RERE: variants seen among roughly 807,000 people sequenced by gnomAD.
The protein encoded by RERE is arginine-glutamic acid dipeptide repeats, also known as arginine-glutamic acid dipeptide repeats protein.
In RERE, 40 loss-of-function variants were observed where a neutral mutation model predicts 146.1. The observed-to-expected ratio is 0.27, with a 90% CI of 0.21 to 0.36. RERE has a LOEUF of 0.36. RERE is among the 10% of genes least tolerant of loss of function. The pLI is 1.00. For missense variants in RERE, 1,933 were observed against 2,138.7 expected, an observed-to-expected ratio of 0.90 and a Z score of 1.90; for synonymous variants, 1,003 against 866.0, an observed-to-expected ratio of 1.16 and a Z score of -2.78.
At chr1:8,606,179 G>C (rs1448022738) in intron 4 of RERE, among the ~76,000 whole-genome samples, 1 of 152,066 alleles carries the variant, frequency 6.6e-6, no homozygotes, top group Non-Finnish European at 1.5e-5. Context: ...CAATTACCAT[G>C]TAATATGGTT....
At chr1:8,725,653 T>C (rs1639947569) in intron 1 of RERE, among the ~76,000 whole-genome samples, 1 of 152,214 alleles carries the variant, frequency 6.6e-6, no homozygotes, top group Admixed American at 6.5e-5. Flanking sequence ...ATCCCCACTT[T>C]CTGCCTTGTA....
chr1:8,676,137 A>AT (rs1172382985), intron 1 of RERE, among the ~76,000 whole-genome samples: 1 of 152,338 alleles, frequency 6.6e-6, no homozygotes, highest in South Asian at 2.1e-4. Context: ...TCCCAGTGTA[A>AT]TTCATCTCCA....
intron 12 of RERE, among the ~76,000 whole-genome samples, chr1:8,414,454 G>A (rs1296487645): frequency 1.3e-5 from 2 of 152,042 alleles, no homozygotes; most frequent in Non-Finnish European, 2.9e-5. Context: ...TACTTGGGAG[G>A]CTGAGGCAGG....
intron 12 of RERE, among the ~76,000 whole-genome samples, chr1:8,374,403 T>G (rs971525323): frequency 4.6e-5 from 7 of 152,224 alleles, no homozygotes; most frequent in African/African-American, 1.7e-4. Context: ...CCACTCCATT[T>G]GTACAGTGCA....
intron 4 of RERE, among the ~76,000 whole-genome samples, chr1:8,605,765 A>AC (rs1344515080): frequency 1.6e-4 from 21 of 127,790 alleles, no homozygotes; most frequent in Admixed American, 1.3e-3. Context: ...AAAAAAAAAA[A>AC]AAAAAACCCC....
rs1645452209 is a variant in RERE at position 8,518,671 on chromosome 1, ACTAGTGCAATATG to A, written c.831-10009_831-9997del. Among the ~76,000 whole-genome samples the A allele has an allele frequency of 2.0e-5, 3 of 152,328 alleles. No homozygotes were observed. In the Middle Eastern group the frequency reaches 0.01, roughly 522 times the overall value. ...GTGAAAGCGAGGATTAAGAAGGAAG[ACTAGTGCAATATG>A]CTGGGTTTCTCAATTTTCCCCAGCA... On this transcript the variant is annotated intron_variant, in intron 7 of 22. Transcript: ENST00000400908.
intron 1 of RERE, among the ~76,000 whole-genome samples, chr1:8,790,610 T>C (rs1322764811): frequency 6.6e-6 from 1 of 152,146 alleles, no homozygotes; most frequent in Non-Finnish European, 1.5e-5. Flanking sequence ...ACTTACAGAG[T>C]CTTGCTCTTG....
chr1:8,691,239 G>A (rs1188528076), intron 1 of RERE, among the ~76,000 whole-genome samples: 1 of 152,186 alleles, frequency 6.6e-6, no homozygotes, highest in East Asian at 1.9e-4. Flanking sequence ...AACTTGATGA[G>A]TTACAGGATT....
At chr1:8,428,502 A>G (rs1028671115) in intron 11 of RERE, 5 of 152,348 alleles carry the variant, frequency 3.3e-5, no homozygotes, top group Middle Eastern at 3.4e-3. Context: ...ATAGTTTTCC[A>G]CTATTGAGCT....
intron 12 of RERE, among the ~76,000 whole-genome samples, chr1:8,406,511 C>T (rs1487850407): frequency 6.6e-6 from 1 of 152,040 alleles, no homozygotes; most frequent in African/African-American, 2.4e-5. Context: ...CGCACACACA[C>T]AAAAGGAGGG....
At chr1:8,588,206 G>A (rs933984968) in intron 4 of RERE, among the ~76,000 whole-genome samples, 2 of 152,104 alleles carry the variant, frequency 1.3e-5, no homozygotes, top group Non-Finnish European at 2.9e-5. Context: ...ATAAATGCTG[G>A]CTGAATTTAA....
intron 4 of RERE, among the ~76,000 whole-genome samples, chr1:8,564,925 T>G (rs1402459918): frequency 6.6e-6 from 1 of 151,322 alleles, no homozygotes; most frequent in Non-Finnish European, 1.5e-5. Flanking sequence ...TCCTGTCATC[T>G]GCAACAACAT....
intron 10 of RERE, among the ~76,000 whole-genome samples, chr1:8,469,320 T>G (rs901938898): frequency 1.3e-5 from 2 of 152,062 alleles, no homozygotes; most frequent in African/African-American, 2.4e-5. Flanking sequence ...AGGAAAAAAT[T>G]TGAATTTCAA....
chr1:8,627,689 A>G (rs1409525459), intron 2 of RERE, among the ~76,000 whole-genome samples: 1 of 152,068 alleles, frequency 6.6e-6, no homozygotes, highest in Admixed American at 6.5e-5. Flanking sequence ...AGCTTTATTT[A>G]TATATACTTT....
intron 12 of RERE, among the ~76,000 whole-genome samples, chr1:8,394,683 C>T (rs948432697): frequency 2.6e-5 from 4 of 152,178 alleles, no homozygotes; most frequent in African/African-American, 7.2e-5. Context: ...ATCATAAGGT[C>T]TGAGTCCCAA....
chr1:8,729,217 A>ATTT (rs1173630956), intron 1 of RERE, among the ~76,000 whole-genome samples: 18 of 100,450 alleles, frequency 1.8e-4, no homozygotes, highest in Admixed American at 3.6e-4. Flanking sequence ...AGCTACACCG[A>ATTT]TTTTTTTTTT....
At position 8,793,195 on chromosome 1, in the gene RERE, A is replaced by AAAGC. The variant is rs1641401092; in HGVS notation, c.-145+23964_-145+23965insGCTT. 2.7e-5 allele frequency among the ~76,000 whole-genome samples: 4 copies of AAAGC among 150,040 alleles called. No homozygotes were observed. In the South Asian group the frequency reaches 8.5e-4, roughly 32 times the overall value. On this transcript the variant is annotated intron_variant, in intron 1 of 22. Coordinates refer to ENST00000400908, the MANE Select transcript of RERE (RefSeq NM_001042681.2). ...AAAAAAAAGAAAGAAAGAAAGAAAG[A>AAAGC]AGGCTCTATTTTGATACTGGGAGCC...
chr1:8,644,271 G>C (rs1200765276), intron 2 of RERE, among the ~76,000 whole-genome samples: 1 of 152,108 alleles, frequency 6.6e-6, no homozygotes, highest in Non-Finnish European at 1.5e-5. Context: ...TTACTCTTTT[G>C]GAACTGTGAA....
rs1641520929 is a variant in RERE at position 8,360,495 on chromosome 1, G to A, written c.3012C>T (p.Pro1004=). The change falls in exon 18 of 23, where the codon CCC becomes CCT. Residue 1004 remains proline (P), a synonymous_variant. Transcript: ENST00000400908. ...SQPLPSSPAQ[P]PGLTQSQNLP... ...GGTTCTGGCTCTGGGTCAGCCCGGG[G>A]GGCTGGGCGGGCGAGGAGGGCAATG... is the stretch of plus-strand genomic sequence containing the variant. 7.2e-6 allele frequency: 10 copies of A among 1,383,574 alleles called. No individual in the cohort carries two copies. In the East Asian group the frequency reaches 1.0e-4, roughly 15 times the overall value. 85.7% of individuals were successfully genotyped at this position (1,383,574 alleles called of 1,614,324 possible).
Sources: gnomAD v4.1 joint callset for allele counts (sites outside exome capture counted in the v4.1 genomes callset) on GRCh38, gnomAD v4.1.1 for gene constraint, MANE v1.5 for transcripts, NCBI Gene and HGNC (gene_info 2026-07-23, HGNC 2026-07-21) for gene names.